Variants in LRRTM4 observed in about 807,000 individuals in gnomAD.
LRRTM4 encodes leucine-rich repeat transmembrane neuronal protein 4.
A neutral mutation model predicts 47.6 loss-of-function variants in LRRTM4; 25 were observed. The observed-to-expected ratio is 0.53, with a 90% CI of 0.38 to 0.73. LRRTM4 has a LOEUF of 0.73. Among genes scored for constraint, LRRTM4 ranks in the 30% least tolerant of loss-of-function variants. The pLI is 0.00. For missense variants in LRRTM4, 638 were observed against 713.4 expected, an observed-to-expected ratio of 0.89 and a Z score of 1.20; for synonymous variants, 311 against 269.5, an observed-to-expected ratio of 1.15 and a Z score of -1.51.
intron 3 of LRRTM4, among the ~76,000 whole-genome samples, chr2:77,056,079 T>C (rs1430726100): frequency 6.8e-6 from 1 of 146,876 alleles, no homozygotes; most frequent in Non-Finnish European, 1.5e-5. Flanking sequence ...TTAGGAGATA[T>C]ACCTAATGCT....
chr2:77,142,422 CACACACAT>C lies in LRRTM4; in HGVS notation c.1551+375888_1551+375895del, dbSNP rs1316321585. On this transcript the variant is annotated intron_variant, in intron 3 of 3. Coordinates refer to ENST00000409884, the MANE Select transcript of LRRTM4 (RefSeq NM_001134745.3). ...ACCTTTTTGCTGCTGCTTGTTACCA[CACACACAT>C]ACACACACACACACACACACACACA... Among the ~76,000 whole-genome samples the C allele has an allele frequency of 2.3e-4, 27 of 118,544 alleles. No individual in the cohort carries two copies. The East Asian group carries it at 4.8e-3, about 21-fold the overall frequency. 77.8% of individuals were successfully genotyped at this position (118,544 alleles called of 152,430 possible). A position where few individuals can be genotyped will look rare whatever the true frequency, so the allele number is the denominator to read the frequency against.
rs536822842 is a variant in LRRTM4 at position 77,130,895 on chromosome 2, C to T, written c.1552-381979G>A. Among the ~76,000 whole-genome samples, 39 of 109,054 alleles carry T rather than the reference C, an allele frequency of 3.6e-4. No homozygotes were observed. The South Asian group carries it at 0.013, about 36-fold the overall frequency. The allele number at this position is 109,054 out of a possible 152,430, so 71.5% of individuals were successfully genotyped here. A position where few individuals can be genotyped will look rare whatever the true frequency, so the allele number is the denominator to read the frequency against. On this transcript the variant is annotated intron_variant, in intron 3 of 3. Transcript: ENST00000409884. ...TGTCGCCCAGGCTGGAGTGCAGTGG[C>T]GGGATCTTGGCTCACTGCAAGCTCC...
At chr2:77,021,733 A>T (rs1159296885) in intron 3 of LRRTM4, among the ~76,000 whole-genome samples, 1 of 152,216 alleles carries the variant, frequency 6.6e-6, no homozygotes, top group Non-Finnish European at 1.5e-5. Context: ...AGAAAAACAT[A>T]TGCTTTTGGA....
At chr2:76,795,406 AT>A (rs1675227342) in intron 3 of LRRTM4, among the ~76,000 whole-genome samples, 1 of 150,650 alleles carries the variant, frequency 6.6e-6, no homozygotes, top group East Asian at 2.0e-4. Context: ...TATACTGAAC[AT>A]GTAAAGATTT....
intron 3 of LRRTM4, among the ~76,000 whole-genome samples, chr2:76,916,815 C>T (rs1041800096): frequency 4.6e-5 from 7 of 152,200 alleles, no homozygotes; most frequent in African/African-American, 4.8e-5. Context: ...ACTTGGAACC[C>T]CAGCTTGCTT....
chr2:77,511,259 A>G (rs1678975531), intron 3 of LRRTM4, among the ~76,000 whole-genome samples: 1 of 152,054 alleles, frequency 6.6e-6, no homozygotes, highest in African/African-American at 2.4e-5. Context: ...TTAGTACAGA[A>G]CTGTGTTTAT....
chr2:76,871,195 A>G (rs1182503495), intron 3 of LRRTM4, among the ~76,000 whole-genome samples: 1 of 152,198 alleles, frequency 6.6e-6, no homozygotes, highest in Non-Finnish European at 1.5e-5. Context: ...ATAGAAATGA[A>G]CTTCTATTTA....
intron 3 of LRRTM4, among the ~76,000 whole-genome samples, chr2:77,107,914 T>A (rs1212150187): frequency 6.6e-6 from 1 of 151,718 alleles, no homozygotes; most frequent in Non-Finnish European, 1.5e-5. Flanking sequence ...AACTTGCCAT[T>A]ATAAGTTGTT....
At chr2:77,209,917 GC>G (rs1323225780) in intron 3 of LRRTM4, among the ~76,000 whole-genome samples, 3 of 152,050 alleles carry the variant, frequency 2.0e-5, no homozygotes, top group Admixed American at 6.6e-5. Flanking sequence ...TACAATTCTT[GC>G]TTTTTCAAAG....
chr2:77,222,153 A>G (rs1240870651), intron 3 of LRRTM4, among the ~76,000 whole-genome samples: 1 of 152,166 alleles, frequency 6.6e-6, no homozygotes, highest in Non-Finnish European at 1.5e-5. Flanking sequence ...GTTCTTTGAA[A>G]CCAATGAGAA....
chr2:77,117,474 C>T (rs965186349), intron 3 of LRRTM4, among the ~76,000 whole-genome samples: 2 of 151,722 alleles, frequency 1.3e-5, no homozygotes, highest in Non-Finnish European at 2.9e-5. Context: ...ATTTTACCCC[C>T]AGGTTAACAT....
chr2:76,760,971 A>C (rs1673231909), intron 3 of LRRTM4, among the ~76,000 whole-genome samples: 1 of 152,244 alleles, frequency 6.6e-6, no homozygotes, highest in Non-Finnish European at 1.5e-5. Context: ...AGTGATTTTA[A>C]AAACACTTGT....
At chr2:77,009,179 T>A (rs749605494) in intron 3 of LRRTM4, 5 of 152,112 alleles carry the variant, frequency 3.3e-5, no homozygotes, top group Admixed American at 3.3e-4. Context: ...GCTGACATCA[T>A]TTATAGACAA....
At chr2:76,894,410 C>T (rs1195212722) in intron 3 of LRRTM4, among the ~76,000 whole-genome samples, 1 of 152,048 alleles carries the variant, frequency 6.6e-6, no homozygotes, top group East Asian at 1.9e-4. Context: ...AAGGTATTTT[C>T]TACTTATGGT....
intron 3 of LRRTM4, among the ~76,000 whole-genome samples, chr2:77,487,338 T>C (rs1677957937): frequency 6.6e-6 from 1 of 152,152 alleles, no homozygotes; most frequent in African/African-American, 2.4e-5. Context: ...GCCTGGCTTC[T>C]CCCGACTCCC....
At chr2:76,935,608 T>C (rs1030239462) in intron 3 of LRRTM4, among the ~76,000 whole-genome samples, 1 of 152,160 alleles carries the variant, frequency 6.6e-6, no homozygotes, top group African/African-American at 2.4e-5. Context: ...ATTCTCTTAG[T>C]AGCAATTGTG....
rs1052016467 is a variant in LRRTM4 at position 76,907,582 on chromosome 2, T to A, written c.1552-158666A>T. 2.8e-3 allele frequency among the ~76,000 whole-genome samples: 397 copies of A among 141,078 alleles called. 3 individuals are homozygous for A. Among genetic ancestry groups the A allele is most frequent in the African/African-American group, 0.01 (371 of 36,846 alleles). 92.6% of individuals were successfully genotyped at this position (141,078 alleles called of 152,430 possible). ...GGTTTTTTGAAAGGATCAACAAAAT[T>A]GATAGACCACTAGCAAGACTAATAA... On this transcript the variant is annotated intron_variant, in intron 3 of 3. Transcript: ENST00000409884.
intron 3 of LRRTM4, among the ~76,000 whole-genome samples, chr2:77,415,367 C>G (rs1674598328): frequency 6.6e-6 from 1 of 152,076 alleles, no homozygotes; most frequent in Non-Finnish European, 1.5e-5. Flanking sequence ...TTGAAAGTTG[C>G]TTTCTACTCT....
Position 77,016,046 on chromosome 2 carries a change from G to A in LRRTM4, c.1552-267130C>T, listed in dbSNP as rs189038117. On this transcript the variant is annotated intron_variant, in intron 3 of 3. Coordinates refer to ENST00000409884, the MANE Select transcript of LRRTM4 (RefSeq NM_001134745.3). The stretch of plus-strand genomic sequence containing the variant: ...CAGTGAGCCGAGATCACGCCACTGC[G>A]CTCCAGCCTGGGTGACAGAATGAGA... 2.2e-3 allele frequency among the ~76,000 whole-genome samples: 330 copies of A among 151,956 alleles called. 7 individuals carry two copies. The highest frequency in any genetic ancestry group is 7.6e-3 in the African/African-American group (316 of 41,450).
Sources: gnomAD v4.1 joint callset for allele counts (sites outside exome capture counted in the v4.1 genomes callset) on GRCh38, gnomAD v4.1.1 for gene constraint, MANE v1.5 for transcripts, NCBI Gene and HGNC (gene_info 2026-07-23, HGNC 2026-07-21) for gene names.